CRMP1: variants seen among roughly 807,000 people sequenced by gnomAD.
The protein encoded by CRMP1 is collapsin response mediator protein 1.
A neutral mutation model predicts 68.3 loss-of-function variants in CRMP1; 19 were observed. The ratio of observed to expected loss-of-function variants is 0.28; its 90% CI spans 0.19 to 0.41. The LOEUF (loss-of-function observed/expected upper bound fraction) is 0.41. CRMP1 is among the 10% of genes least tolerant of loss of function. CRMP1 has a pLI of 1.00. For missense variants in CRMP1, 791 were observed against 967.4 expected (o/e 0.82, Z 2.42); for synonymous variants, 439 against 399.6 (o/e 1.10, Z -1.18).
rs1715345631 is a variant in CRMP1, at chr4:5,883,327, T to A, written c.381+9262A>T. ...CTTTCTTCTTTTTTGTTTGAGAGAG[T>A]CTCATTCTGTCGCCCAGGCTGAAGT... is the stretch of plus-strand genomic sequence containing the variant. On this transcript the variant is annotated intron_variant, in intron 1 of 13. Coordinates refer to ENST00000324989, the MANE Select transcript of CRMP1 (RefSeq NM_001014809.3). This position sits in a 1 kb window ranked among gnomAD's most constrained non-coding sequence, Gnocchi z 4.5. Among the ~76,000 whole-genome samples, 1 of 151,368 alleles carries A rather than the reference T, an allele frequency of 6.6e-6. No homozygotes were observed. Among genetic ancestry groups the A allele is most frequent in the Non-Finnish European group, 1.5e-5 (1 of 67,858 alleles).
chr4:5,880,213 G>A (rs1362635242), intron 1 of CRMP1, among the ~76,000 whole-genome samples: 1 of 152,202 alleles, frequency 6.6e-6, no homozygotes, highest in Non-Finnish European at 1.5e-5. Context: ...GCACTGAGGG[G>A]AGAATGGTGG....
chr4:5,829,454 G>T (rs1720190946), intron 11 of CRMP1, among the ~76,000 whole-genome samples: 1 of 152,156 alleles, frequency 6.6e-6, no homozygotes, highest in African/African-American at 2.4e-5. Flanking sequence ...CTTGACAGTT[G>T]TGTGTCAACT....
intron 11 of CRMP1, among the ~76,000 whole-genome samples, chr4:5,832,553 G>T (rs1487311445): frequency 1.3e-5 from 2 of 152,058 alleles, no homozygotes; most frequent in Non-Finnish European, 2.9e-5. Context: ...AAAACAAAAC[G>T]AACCTCTAAG....
rs2152471569 is a variant in CRMP1 at position 5,872,137 on chromosome 4, AC to A, written c.382-5382del. 6.6e-6 allele frequency among the ~76,000 whole-genome samples: 1 copy of A among 151,594 alleles called. No individual in the cohort carries two copies. Among genetic ancestry groups the A allele is most frequent in the African/African-American group, 2.4e-5 (1 of 41,228 alleles). Reference sequence around the variant, plus strand: ...ACCTCATAAGAAGATAGAACTTAGAACCCTCCCCCACCCAAGTAATAAGATC... The same window carrying A: ...ACCTCATAAGAAGATAGAACTTAGAACCTCCCCCACCCAAGTAATAAGATC... On this transcript the variant is annotated intron_variant, in intron 1 of 13. Transcript: ENST00000324989. This position sits in a 1 kb window ranked among gnomAD's most constrained non-coding sequence, Gnocchi z 4.6.
chr4:5,889,656 A>C lies in CRMP1; in HGVS notation c.381+2933T>G. On this transcript the variant is annotated intron_variant, in intron 1 of 13. Coordinates refer to ENST00000324989, the MANE Select transcript of CRMP1 (RefSeq NM_001014809.3). This position sits in a 1 kb window ranked among gnomAD's most constrained non-coding sequence, Gnocchi z 4.5. The stretch of plus-strand genomic sequence containing the variant: ...CACCACTTCGTTGTTCATTTTCTGC[A>C]TGCGAAATCCAACCCCACAGGTCCT... 1.3e-6 allele frequency: 2 copies of C among 1,536,182 alleles called. No homozygotes were observed. The highest frequency in any genetic ancestry group is 1.7e-6 in the Non-Finnish European group (2 of 1,146,908).
intron 11 of CRMP1, among the ~76,000 whole-genome samples, chr4:5,831,113 T>G (rs1026702625): frequency 3.9e-5 from 6 of 151,998 alleles, no homozygotes; most frequent in African/African-American, 1.4e-4. Flanking sequence ...CATGCCTAGT[T>G]AATTTTTTTA....
Position 5,890,431 on chromosome 4 carries a change from G to T in CRMP1, c.381+2158C>A, listed in dbSNP as rs984593160. ...AGGGAGAAGCCTGGTGGGCGGGGGG[G>T]GAAGGGCCGGGGCACCCGTTGCGAA... On this transcript the variant is annotated intron_variant, in intron 1 of 13. Coordinates refer to ENST00000324989, the MANE Select transcript of CRMP1 (RefSeq NM_001014809.3). The surrounding 1 kb of genome is among the most constrained non-coding windows in gnomAD (Gnocchi z 5.5). Among the ~76,000 whole-genome samples the T allele has an allele frequency of 1.3e-5, 2 of 152,228 alleles. No individual in the cohort carries two copies. The highest frequency in any genetic ancestry group is 2.4e-5 in the African/African-American group (1 of 41,472).
Position 5,877,752 on chromosome 4 carries a change from G to A in CRMP1, c.382-10996C>T, listed in dbSNP as rs548093866. 6.6e-6 allele frequency among the ~76,000 whole-genome samples: 1 copy of A among 152,224 alleles called. No homozygotes were observed. The highest frequency in any genetic ancestry group is 2.4e-5 in the African/African-American group (1 of 41,546). ...GGACTTTTTTTCCCCCCGATATTAT[G>A]CCTGTTTCCATGACAACTGCAGTTA... On this transcript the variant is annotated intron_variant, in intron 1 of 13. Coordinates refer to ENST00000324989, the MANE Select transcript of CRMP1 (RefSeq NM_001014809.3). The surrounding 1 kb of genome is among the most constrained non-coding windows in gnomAD (Gnocchi z 4.3).
In CRMP1 at chr4:5,825,178, T is replaced by A. The variant is rs537518779; in HGVS notation, c.1969+316A>T. On this transcript the variant is annotated intron_variant, in intron 13 of 13. Coordinates refer to ENST00000324989, the MANE Select transcript of CRMP1 (RefSeq NM_001014809.3). The surrounding 1 kb of genome is among the most constrained non-coding windows in gnomAD (Gnocchi z 4.4). Reference sequence around the variant, plus strand: ...TTGTTCATCCCCACCACTCCATGTTTACTTTCATGAGGAAGAGTGTGAAAG... The same window carrying A: ...TTGTTCATCCCCACCACTCCATGTTAACTTTCATGAGGAAGAGTGTGAAAG... 81 of 985,436 alleles carry A rather than the reference T, an allele frequency of 8.2e-5. No individual in the cohort carries two copies. Among genetic ancestry groups the A allele is most frequent in the Non-Finnish European group, 9.2e-5 (76 of 829,930 alleles). The allele number at this position is 985,436 out of a possible 1,614,324, so 61.0% of individuals were successfully genotyped here.
chr4:5,858,446 G>A lies in CRMP1; in HGVS notation c.656-2139C>T, dbSNP rs1298727706. On this transcript the variant is annotated intron_variant, in intron 3 of 13. Transcript: ENST00000324989. This position sits in a 1 kb window ranked among gnomAD's most constrained non-coding sequence, Gnocchi z 5.5. ...GCTGTGGTGGACATCACCAACCAACGGTTCCACAGCCAGAGGCCCAGGTCA... is the reference window on the plus strand; with the variant it reads ...GCTGTGGTGGACATCACCAACCAACAGTTCCACAGCCAGAGGCCCAGGTCA... Among the ~76,000 whole-genome samples, 1 of 151,606 alleles carries A rather than the reference G, an allele frequency of 6.6e-6. No individual in the cohort carries two copies. The highest frequency in any genetic ancestry group is 1.5e-5 in the Non-Finnish European group (1 of 67,984).
Position 5,892,534 on chromosome 4 carries a change from T to C in CRMP1, c.381+55A>G, listed in dbSNP as rs2152478412. On this transcript the variant is annotated intron_variant, in intron 1 of 13. Transcript: ENST00000324989. This position sits in a 1 kb window ranked among gnomAD's most constrained non-coding sequence, Gnocchi z 8.6. ...CATGGCCCTCGGGCGCCCCATGCCC[T>C]GGGTCCTCCCGGGGCCCGCCCCCCT... The C allele has an allele frequency of 3.5e-6, 4 of 1,159,016 alleles. No homozygotes were observed. Among genetic ancestry groups the C allele is most frequent in the African/African-American group, 1.6e-5 (1 of 61,426 alleles). The allele number at this position is 1,159,016 out of a possible 1,614,324, so 71.8% of individuals were successfully genotyped here.
Position 5,841,522 on chromosome 4 carries a change from A to C in CRMP1, c.1033-94T>G. The C allele has an allele frequency of 1.9e-6, 3 of 1,564,678 alleles. No individual in the cohort carries two copies. Among genetic ancestry groups the C allele is most frequent in the Non-Finnish European group, 2.6e-6 (3 of 1,149,338 alleles). On this transcript the variant is annotated intron_variant, in intron 7 of 13. Coordinates refer to ENST00000324989, the MANE Select transcript of CRMP1 (RefSeq NM_001014809.3). The surrounding 1 kb of genome is among the most constrained non-coding windows in gnomAD (Gnocchi z 6.9). ...CCTTAATTGAATGTGATCAGAAGGGAAATCTGCTCCATTGAATGAGAAGGA... is the reference window on the plus strand; with the variant it reads ...CCTTAATTGAATGTGATCAGAAGGGCAATCTGCTCCATTGAATGAGAAGGA...
At chr4:5,839,778 G>A (rs1436002417) in intron 8 of CRMP1, 100 bp from the exon 9 acceptor site, 2 of 1,350,316 alleles carry the variant, frequency 1.5e-6, no homozygotes, top group Non-Finnish European at 2.0e-6. Flanking sequence ...GAACGGGGCT[G>A]GCTGAAGGCC....
At chr4:5,887,431 C>A (rs1287125692) in intron 1 of CRMP1, 10 of 985,420 alleles carry the variant, frequency 1.0e-5, no homozygotes, top group Non-Finnish European at 1.2e-5. Flanking sequence ...AGTCAGGCTC[C>A]ACGCTGATGC....
At chr4:5,864,647 G>A (rs541368612) in intron 2 of CRMP1, among the ~76,000 whole-genome samples, 38 of 152,298 alleles carry the variant, frequency 2.5e-4, no homozygotes, top group Admixed American at 5.2e-4. Flanking sequence ...AGCAGCTCAC[G>A]TGCTGTGGGG....
chr4:5,842,594 TCTCTCACACACACACACACACACTCA>T lies in CRMP1; in HGVS notation c.1032+473_1032+498del, dbSNP rs1560496069. On this transcript the variant is annotated intron_variant, in intron 7 of 13. Coordinates refer to ENST00000324989, the MANE Select transcript of CRMP1 (RefSeq NM_001014809.3). The surrounding 1 kb of genome is among the most constrained non-coding windows in gnomAD (Gnocchi z 4.5). ...TGCACATGCACCCACACTCACACAC[TCTCTCACACACACACACACACACTCA>T]CTCACACACACACACACGCACTGTC... is the stretch of plus-strand genomic sequence containing the variant. 9.6e-6 allele frequency among the ~76,000 whole-genome samples: 1 copy of T among 103,964 alleles called. No individual in the cohort carries two copies. Among genetic ancestry groups the T allele is most frequent in the East Asian group, 3.9e-4 (1 of 2,554 alleles). The allele number at this position is 103,964 out of a possible 152,430, so 68.2% of individuals were successfully genotyped here. A position where few individuals can be genotyped will look rare whatever the true frequency, so the allele number is the denominator to read the frequency against.
At position 5,888,423 on chromosome 4, in the gene CRMP1, C is replaced by T; in HGVS notation, c.381+4166G>A. Reference sequence around the variant, plus strand: ...GGCGCCCGTGGATGCCCACGCGCGGCTGCCCCGGCTGCTCGGCCCGCCCGC... The same window carrying T: ...GGCGCCCGTGGATGCCCACGCGCGGTTGCCCCGGCTGCTCGGCCCGCCCGC... On this transcript the variant is annotated intron_variant, in intron 1 of 13. Transcript: ENST00000324989. The surrounding 1 kb of genome is among the most constrained non-coding windows in gnomAD (Gnocchi z 6.4). The T allele has an allele frequency of 2.5e-6, 3 of 1,216,926 alleles. No individual in the cohort carries two copies. Among genetic ancestry groups the T allele is most frequent in the Non-Finnish European group, 3.1e-6 (3 of 978,452 alleles). 75.4% of individuals were successfully genotyped at this position (1,216,926 alleles called of 1,614,324 possible). A position where few individuals can be genotyped will look rare whatever the true frequency, so the allele number is the denominator to read the frequency against.
rs1362227075 is a variant in CRMP1, at chr4:5,866,023, G to T, written c.470+645C>A. ...CGGGACTTCCAGCCTCCAGAACTAT[G>T]AGAAATAAACTTCTGCTGTTTAAGC... is the stretch of plus-strand genomic sequence containing the variant. On this transcript the variant is annotated intron_variant, in intron 2 of 13. Coordinates refer to ENST00000324989, the MANE Select transcript of CRMP1 (RefSeq NM_001014809.3). This position sits in a 1 kb window ranked among gnomAD's most constrained non-coding sequence, Gnocchi z 5.9. Among the ~76,000 whole-genome samples the T allele has an allele frequency of 6.6e-6, 1 of 152,160 alleles. No individual in the cohort carries two copies. The highest frequency in any genetic ancestry group is 2.4e-5 in the African/African-American group (1 of 41,430).
intron 11 of CRMP1, among the ~76,000 whole-genome samples, chr4:5,829,016 GT>G (rs1936312546): frequency 6.6e-6 from 1 of 150,820 alleles, no homozygotes; most frequent in South Asian, 2.1e-4. Context: ...CTTAAAATGT[GT>G]CTTTAAATAA....
Sources: gnomAD v4.1 joint callset for allele counts (sites outside exome capture counted in the v4.1 genomes callset) on GRCh38, gnomAD v4.1.1 for gene constraint, Gnocchi (gnomAD v3.1) non-coding constraint, MANE v1.5 for transcripts, NCBI Gene and HGNC (gene_info 2026-07-23, HGNC 2026-07-21) for gene names.